TGM2: variants seen among roughly 807,000 people sequenced by gnomAD.
TGM2 encodes protein-glutamine gamma-glutamyltransferase 2.
Under a neutral mutation model 75.6 loss-of-function variants are expected in TGM2, and 53 were observed. That is an observed-to-expected ratio of 0.70 (90% CI 0.56 to 0.88). The LOEUF (loss-of-function observed/expected upper bound fraction) is 0.88, where lower values mean the gene tolerates loss of function less well. Among genes scored for constraint, TGM2 ranks in the 40% least tolerant of loss-of-function variants. The pLI, the probability that TGM2 is intolerant of heterozygous loss-of-function variation, is 0.00. For missense variants in TGM2, 842 were observed against 928.5 expected, an observed-to-expected ratio of 0.91 and a Z score of 1.21; for synonymous variants, 374 against 381.1, an observed-to-expected ratio of 0.98 and a Z score of 0.22.
chr20:38,131,140 G>T lies in TGM2; in HGVS notation c.1866C>A (p.Phe622Leu). ...PLPVALEGCT[F>L]TVEGAGLTEE... is the part of the protein sequence containing the mutation. ...CAGTCAGGCCGGCCCCCTCCACAGT[G>T]AAGGTGCAGCCTTCCAGGGCCACAG... The change falls in exon 12 of 13, where the codon TTC becomes TTA. Residue 622 changes from phenylalanine (F) to leucine (L), a missense_variant. Phe to Leu is a conservative substitution (Grantham distance 22). Transcript: ENST00000361475. The T allele has an allele frequency of 6.2e-7, 1 of 1,613,690 alleles. No individual in the cohort carries two copies. Among genetic ancestry groups the T allele is most frequent in the Non-Finnish European group, 8.5e-7 (1 of 1,180,012 alleles).
chr20:38,132,885 G>A (rs367813346), intron 10 of TGM2: 6 of 459,198 alleles, frequency 1.3e-5, no homozygotes, highest in East Asian at 1.4e-4. Context: ...TGGTGCGCTC[G>A]GGACTCAGGG....
At chr20:38,134,765 G>T (rs1433653537) in intron 10 of TGM2, among the ~76,000 whole-genome samples, 2 of 152,162 alleles carry the variant, frequency 1.3e-5, no homozygotes, top group Non-Finnish European at 2.9e-5. Flanking sequence ...GGAGGCAGGG[G>T]TGGGGGCAAC....
In TGM2 at chr20:38,161,420, C is replaced by T. The variant is rs376529551; in HGVS notation, c.190G>A (p.Gly64Ser). The T allele has an allele frequency of 1.5e-5, 25 of 1,613,850 alleles. 1 individual carries two copies. In the Middle Eastern group the frequency reaches 5.0e-4, roughly 32 times the overall value. ...GTGGAGTGGGGTTGCAGGTACTCAC[C>T]GGTCACGACACTGAAGGTGAGACTG... ...VDSLTFSVVTGPAPSQEAGTK... is the reference protein window; with the variant it reads ...VDSLTFSVVTSPAPSQEAGTK... Residue 64 changes from glycine (G) to serine (S), a missense_variant and splice_region_variant, in exon 2 of 13, where the codon GGC (glycine) becomes AGC (serine). Physicochemically the swap from Gly to Ser is moderately conservative, Grantham distance 56 (BLOSUM62 0). Transcript: ENST00000361475.
At chr20:38,163,768 A>G (rs566235290) in intron 1 of TGM2, among the ~76,000 whole-genome samples, 1 of 152,178 alleles carries the variant, frequency 6.6e-6, no homozygotes, top group Non-Finnish European at 1.5e-5. Context: ...CTGCTGGCCT[A>G]TTGCGGCGAG....
intron 10 of TGM2, 170 bp downstream of exon 10, chr20:38,137,943 T>C (rs2074919846): frequency 7.1e-7 from 1 of 1,407,990 alleles, no homozygotes; most frequent in African/African-American, 1.5e-5. Flanking sequence ...ACTCTTGCAA[T>C]AAGAATTAAG....
chr20:38,164,817 G>T (rs865942272), intron 1 of TGM2, among the ~76,000 whole-genome samples: 2 of 152,142 alleles, frequency 1.3e-5, no homozygotes, highest in African/African-American at 2.4e-5. Flanking sequence ...GTCCTGGCTG[G>T]CAAGAACCAC....
At chr20:38,160,830 A>ATCTTTT (rs1246873676) in intron 2 of TGM2, among the ~76,000 whole-genome samples, 2 of 152,112 alleles carry the variant, frequency 1.3e-5, no homozygotes, top group African/African-American at 4.8e-5. Flanking sequence ...GGCAGACAGG[A>ATCTTTT]TCTTTTTCTT....
upstream of TGM2, among the ~76,000 whole-genome samples, chr20:38,168,449 C>T (rs1478774757): frequency 6.6e-6 from 1 of 152,224 alleles, no homozygotes. Flanking sequence ...TCCCCAGACA[C>T]TGCAATCAGG....
chr20:38,165,333 G>A (rs918090009), upstream of TGM2: 49 of 1,348,542 alleles, frequency 3.6e-5, no homozygotes, highest in Non-Finnish European at 5.1e-5. Flanking sequence ...GCGGGGCCCC[G>A]CGGGAAGGCG....
intron 3 of TGM2, among the ~76,000 whole-genome samples, chr20:38,153,248 G>A (rs2075136245): frequency 6.6e-6 from 1 of 152,188 alleles, no homozygotes; most frequent in Non-Finnish European, 1.5e-5. Flanking sequence ...GATGTGGCCG[G>A]GCGTGGTGGC....
chr20:38,134,619 G>A (rs895425347), intron 10 of TGM2, among the ~76,000 whole-genome samples: 1 of 152,138 alleles, frequency 6.6e-6, no homozygotes, highest in African/African-American at 2.4e-5. Context: ...AATTTGCCCT[G>A]TTCTAGAAGG....
At chr20:38,158,124 T>G (rs1358552495) in intron 2 of TGM2, among the ~76,000 whole-genome samples, 2 of 152,238 alleles carry the variant, frequency 1.3e-5, no homozygotes. Flanking sequence ...TGATCTGGTC[T>G]CTGTGGCAAC....
rs912551432 is a variant in TGM2 at position 38,153,705 on chromosome 20, C to T, written c.433+2142G>A. The stretch of plus-strand genomic sequence containing the variant: ...TAAAATACAGCAATTTCTCCAGGCA[C>T]ATACAGACTGACCTAAGGAGGTGAG... On this transcript the variant is annotated intron_variant, in intron 3 of 12. Coordinates refer to ENST00000361475, the MANE Select transcript of TGM2 (RefSeq NM_004613.4). Among the ~76,000 whole-genome samples the T allele has an allele frequency of 8.5e-5, 13 of 152,214 alleles. No individual in the cohort carries two copies. In the East Asian group the frequency reaches 2.3e-3, roughly 27 times the overall value.
Position 38,137,982 on chromosome 20 carries a change from C to G in TGM2, c.1615+131G>C. The G allele has an allele frequency of 4.1e-6, 6 of 1,467,750 alleles. No homozygotes were observed. In the South Asian group the frequency reaches 8.6e-5, roughly 21 times the overall value. The allele number at this position is 1,467,750 out of a possible 1,614,324, so 90.9% of individuals were successfully genotyped here. ...GTTGATATTTATAAAGTGCTTAGGA[C>G]AGGGCCTGCCCCAGAGTCAGCGCCA... On this transcript the variant is annotated intron_variant, in intron 10 of 12. Coordinates refer to ENST00000361475, the MANE Select transcript of TGM2 (RefSeq NM_004613.4).
At chr20:38,143,887 G>T (rs1412523329) in intron 6 of TGM2, among the ~76,000 whole-genome samples, 1 of 152,204 alleles carries the variant, frequency 6.6e-6, no homozygotes, top group Admixed American at 6.5e-5. Flanking sequence ...AGAGCTTACT[G>T]GTTGGCCCTG....
upstream of TGM2, among the ~76,000 whole-genome samples, chr20:38,168,439 T>A (rs1321772994): frequency 6.6e-6 from 1 of 152,154 alleles, no homozygotes; most frequent in Non-Finnish European, 1.5e-5. Flanking sequence ...GGCCTCAAGA[T>A]CCCCAGACAC....
At chr20:38,142,334 T>C (rs2074986249) in intron 6 of TGM2, 135 bp from the exon 7 acceptor site, 4 of 1,410,912 alleles carry the variant, frequency 2.8e-6, no homozygotes, top group Non-Finnish European at 3.8e-6. Flanking sequence ...CAGCCCTTCC[T>C]GCCGGGACAA....
In TGM2 at chr20:38,144,161, C is replaced by A. The variant is rs894696731; in HGVS notation, c.860-1962G>T. On this transcript the variant is annotated intron_variant, in intron 6 of 12. Coordinates refer to ENST00000361475, the MANE Select transcript of TGM2 (RefSeq NM_004613.4). ...GCCCCAGGGGTGGTGTCCCGGGAGG[C>A]CTCCTCATCAGTCTAACAGGAGGCT... Among the ~76,000 whole-genome samples the A allele has an allele frequency of 2.6e-5, 4 of 152,150 alleles. No individual in the cohort carries two copies. In the South Asian group the frequency reaches 8.3e-4, roughly 32 times the overall value.
intron 1 of TGM2, among the ~76,000 whole-genome samples, chr20:38,164,269 T>C (rs1437243767): frequency 6.6e-6 from 1 of 152,210 alleles, no homozygotes; most frequent in East Asian, 1.9e-4. Context: ...CTGCTCCACC[T>C]GCCCCATGTC....
Sources: allele counts gnomAD v4.1 joint callset (sites outside exome capture counted in the v4.1 genomes callset), GRCh38; gene constraint gnomAD v4.1.1; transcripts MANE v1.5; gene names NCBI Gene and HGNC (gene_info 2026-07-23, HGNC 2026-07-21).